The following C2orf76 variants were observed in gnomAD, a reference collection of about 807,000 sequenced individuals.
C2orf76 encodes UPF0538 protein C2orf76.
Under a neutral mutation model 16.9 loss-of-function variants are expected in C2orf76, and 23 were observed. The ratio of observed to expected loss-of-function variants is 1.36; its 90% confidence interval spans 0.98 to 1.93. The LOEUF (loss-of-function observed/expected upper bound fraction) is 1.93, where lower values mean the gene tolerates loss of function less well. C2orf76 is among the 30% of genes most tolerant of loss of function. The pLI, the probability that C2orf76 is intolerant of heterozygous loss-of-function variation, is 0.00. For synonymous variants in C2orf76, 48 were observed against 52.3 expected, an observed-to-expected ratio of 0.92 and a Z score of 0.35; for missense variants, 152 against 152.6, an observed-to-expected ratio of 1.00 and a Z score of 0.02.
chr2:119,285,039 G>T, the C2orf76 span, among the ~76,000 whole-genome samples: 381 of 152,160 alleles, frequency 2.5e-3, 2 homozygotes, highest in African/African-American at 5.3e-3. Flanking sequence ...CTACCAAAAA[G>T]CCCCCACCAT....
chr2:119,366,932 G>C, upstream of C2orf76: 8 of 1,301,702 alleles, frequency 6.1e-6, no homozygotes, highest in South Asian at 7.5e-5. Flanking sequence ...GTGCTCGCCC[G>C]AGCAGGGTTG....
At chr2:119,284,233 G>C in the C2orf76 span, among the ~76,000 whole-genome samples, 53 of 152,304 alleles carry the variant, frequency 3.5e-4, no homozygotes, top group Non-Finnish European at 6.8e-4. Context: ...CTGACCACGA[G>C]GGAATGTCAC....
At chr2:119,296,059 A>AT in the C2orf76 span, among the ~76,000 whole-genome samples, 2 of 152,226 alleles carry the variant, frequency 1.3e-5, no homozygotes, top group Admixed American at 1.3e-4. Flanking sequence ...CTCAGGTCTG[A>AT]TTCATTGAAT....
At chr2:119,366,222 G>A in intron 1 of C2orf76, 1 of 366,418 alleles carries the variant, frequency 2.7e-6, no homozygotes, top group Non-Finnish European at 5.4e-6. Flanking sequence ...GTCTGCCAAG[G>A]TCTAGAACAG....
chr2:119,306,586 G>A (rs1317679300), intron 5 of C2orf76, among the ~76,000 whole-genome samples: 1 of 151,840 alleles, frequency 6.6e-6, no homozygotes, highest in Non-Finnish European at 1.5e-5. Context: ...GACAACAGTA[G>A]TAGAATGTAG....
At chr2:119,302,821 G>A (rs1442242396) in intron 5 of C2orf76, among the ~76,000 whole-genome samples, 1 of 152,088 alleles carries the variant, frequency 6.6e-6, no homozygotes, top group Non-Finnish European at 1.5e-5. Context: ...GTTAATACAA[G>A]AATCTGGTTT....
chr2:119,318,429 A>G (rs1326059630), intron 3 of C2orf76, among the ~76,000 whole-genome samples: 2 of 152,218 alleles, frequency 1.3e-5, no homozygotes, highest in Non-Finnish European at 2.9e-5. Flanking sequence ...GACCTTATTT[A>G]ACTATGTTCT....
chr2:119,363,220 C>G (rs773277124), intron 1 of C2orf76, among the ~76,000 whole-genome samples: 5 of 152,114 alleles, frequency 3.3e-5, no homozygotes, highest in African/African-American at 2.4e-5. Flanking sequence ...GTCAGGAGAT[C>G]GAGACCAACC....
chr2:119,353,501 T>C (rs931156847), intron 1 of C2orf76, among the ~76,000 whole-genome samples: 1 of 150,842 alleles, frequency 6.6e-6, no homozygotes, highest in African/African-American at 2.4e-5. Flanking sequence ...TCGGTAACAA[T>C]GAAATATCAA....
At chr2:119,320,313 A>G (rs565539310) in intron 3 of C2orf76, among the ~76,000 whole-genome samples, 20 of 152,360 alleles carry the variant, frequency 1.3e-4, no homozygotes, top group Admixed American at 3.9e-4. Context: ...TTATACTTTG[A>G]AAGCCTTGAA....
downstream of C2orf76, among the ~76,000 whole-genome samples, chr2:119,301,496 C>T (rs528698050): frequency 1.1e-4 from 16 of 152,006 alleles, no homozygotes; most frequent in African/African-American, 3.9e-4. Context: ...CTAAGCCCTC[C>T]GGCACTCAGG....
At chr2:119,295,893 G>A in the C2orf76 span, among the ~76,000 whole-genome samples, 6 of 152,110 alleles carry the variant, frequency 3.9e-5, no homozygotes, top group Non-Finnish European at 2.9e-5. Context: ...TCACACCGTC[G>A]AGCAGCACAA....
chr2:119,331,806 A>C (rs1383298816), intron 2 of C2orf76, among the ~76,000 whole-genome samples: 1 of 152,186 alleles, frequency 6.6e-6, no homozygotes, highest in African/African-American at 2.4e-5. Flanking sequence ...GTCCCACTCC[A>C]TCTTGGCTGA....
At chr2:119,292,382 A>G in the C2orf76 span, among the ~76,000 whole-genome samples, 1 of 152,164 alleles carries the variant, frequency 6.6e-6, no homozygotes, top group Non-Finnish European at 1.5e-5. Context: ...TCCAGCTGGT[A>G]AAAAAGCCCT....
At chr2:119,322,123 T>C (rs1679364686) in intron 2 of C2orf76, among the ~76,000 whole-genome samples, 1 of 151,536 alleles carries the variant, frequency 6.6e-6, no homozygotes, top group Non-Finnish European at 1.5e-5. Context: ...TATATGTGTA[T>C]ATATATATAT....
chr2:119,348,621 G>T (rs998432502), intron 1 of C2orf76, among the ~76,000 whole-genome samples: 2 of 152,118 alleles, frequency 1.3e-5, no homozygotes, highest in African/African-American at 4.8e-5. Context: ...GGGAGGCAGA[G>T]GTTGCAGTAA....
intron 1 of C2orf76, among the ~76,000 whole-genome samples, chr2:119,343,004 G>A (rs1680084085): frequency 6.6e-6 from 1 of 152,144 alleles, no homozygotes; most frequent in South Asian, 2.1e-4. Flanking sequence ...TCATGACCTC[G>A]GGTGAACCGC....
chr2:119,342,705 T>C (rs951978707), intron 1 of C2orf76, among the ~76,000 whole-genome samples: 1 of 152,174 alleles, frequency 6.6e-6, no homozygotes, highest in African/African-American at 2.4e-5. Flanking sequence ...GGGGCTTCAA[T>C]TATATTAGTA....
chr2:119,334,616 G>A (rs1679784576), intron 2 of C2orf76, among the ~76,000 whole-genome samples: 1 of 151,394 alleles, frequency 6.6e-6, no homozygotes, highest in South Asian at 2.1e-4. Context: ...CCAGGGTCCG[G>A]GAGGTTAAGG....
Sources: allele counts gnomAD v4.1 joint callset (sites outside exome capture counted in the v4.1 genomes callset), GRCh38; gene constraint gnomAD v4.1.1; transcripts MANE v1.5; gene names NCBI Gene and HGNC (gene_info 2026-07-23, HGNC 2026-07-21).